Variants in ST6GALNAC6 observed in about 807,000 individuals in gnomAD.
The protein encoded by ST6GALNAC6 is ST6 N-acetylgalactosaminide alpha-2,6-sialyltransferase 6, also known as alpha-N-acetylgalactosaminide alpha-2,6-sialyltransferase 6.
In ST6GALNAC6, 19 loss-of-function variants were observed where a neutral mutation model predicts 34.3. That is an observed-to-expected ratio of 0.55 (90% confidence interval 0.39 to 0.81). ST6GALNAC6 has a LOEUF of 0.81. Among genes scored for constraint, ST6GALNAC6 ranks in the 40% least tolerant of loss-of-function variants. The pLI, the probability that ST6GALNAC6 is intolerant of heterozygous loss-of-function variation, is 0.00. For missense variants in ST6GALNAC6, 377 were observed against 467.7 expected (o/e 0.81, Z 1.79); for synonymous variants, 185 against 182.1 (o/e 1.02, Z -0.13).
rs376190406 is a variant in ST6GALNAC6, at chr9:127,894,727, C to T, written c.118-36G>A. On this transcript the variant is annotated intron_variant, in intron 3 of 6. Coordinates refer to ENST00000373146, the MANE Select transcript of ST6GALNAC6 (RefSeq NM_013443.5). ...GAGAGGTCAGTGAGGGCCCAGCTGCCGGGCAGGCTCAGCGCCCCCACCTCC... is the reference window on the plus strand; with the variant it reads ...GAGAGGTCAGTGAGGGCCCAGCTGCTGGGCAGGCTCAGCGCCCCCACCTCC... The T allele has an allele frequency of 7.5e-5, 113 of 1,511,456 alleles. No homozygotes were observed. The East Asian group carries it at 8.7e-4, about 12-fold the overall frequency. The allele number at this position is 1,511,456 out of a possible 1,614,324, so 93.6% of individuals were successfully genotyped here.
chr9:127,887,228 A>C (rs1829827718), intron 6 of ST6GALNAC6, among the ~76,000 whole-genome samples: 3 of 152,108 alleles, frequency 2.0e-5, no homozygotes, highest in Non-Finnish European at 4.4e-5. Context: ...TATTCAGTAA[A>C]GTATAGCTGT....
intron 2 of ST6GALNAC6, chr9:127,897,471 G>C (rs1458834708): frequency 1.6e-5 from 16 of 982,036 alleles, no homozygotes; most frequent in Non-Finnish European, 1.9e-5. Flanking sequence ...TTAGATCATG[G>C]CCCCGCCCCC....
Position 127,887,576 on chromosome 9 carries a change from C to T in ST6GALNAC6, c.720G>A (p.Ser240=), listed in dbSNP as rs368787289. The T allele has an allele frequency of 8.7e-6, 14 of 1,611,124 alleles. No individual in the cohort carries two copies. Among genetic ancestry groups the T allele is most frequent in the Admixed American group, 6.7e-5 (4 of 59,744 alleles). The part of the protein sequence containing the change: ...ETGKDREKSH[S]WLSTGWFTMV... The stretch of plus-strand genomic sequence containing the variant: ...TGGTAAACCAGCCTGTGCTCAACCA[C>T]GAATGAGACTTCTCCCTGGGGATGG... Residue 240 remains serine, a synonymous_variant, in exon 6 of 7, where the codon TCG becomes TCA. Transcript: ENST00000373146.
At chr9:127,900,584 A>AAAAAAAAAG (rs1564495080), upstream of ST6GALNAC6, among the ~76,000 whole-genome samples, 7 of 150,134 alleles carry the variant, frequency 4.7e-5, no homozygotes, top group African/African-American at 1.7e-4. Flanking sequence ...AAAAAAAAAA[A>AAAAAAAAAG]AAGAAGGATG....
At chr9:127,905,867 C>T, upstream of ST6GALNAC6, 1 of 897,258 alleles carries the variant, frequency 1.1e-6, no homozygotes, top group Non-Finnish European at 1.3e-6. Context: ...GGCCTTGACT[C>T]CAGGGCCCTC....
chr9:127,894,386 A>G lies in ST6GALNAC6; in HGVS notation c.297+126T>C. The G allele has an allele frequency of 3.3e-6, 4 of 1,218,800 alleles. No individual in the cohort carries two copies. In the East Asian group the frequency reaches 9.6e-5, roughly 29 times the overall value. 75.5% of individuals were successfully genotyped at this position (1,218,800 alleles called of 1,614,324 possible). On this transcript the variant is annotated intron_variant, in intron 4 of 6. Coordinates refer to ENST00000373146, the MANE Select transcript of ST6GALNAC6 (RefSeq NM_013443.5). Reference sequence around the variant, plus strand: ...ACTTATCCAAGGTCACACAGCAAGCAGCAAGATGAAATCACCGGAGGCAGG... The same window carrying G: ...ACTTATCCAAGGTCACACAGCAAGCGGCAAGATGAAATCACCGGAGGCAGG...
Position 127,886,731 on chromosome 9 carries a change from G to C in ST6GALNAC6, c.870C>G (p.Asp290Glu), listed in dbSNP as rs755770749. 1.2e-6 allele frequency: 2 copies of C among 1,613,670 alleles called. No homozygotes were observed. The highest frequency in any genetic ancestry group is 1.3e-5 in the African/African-American group (1 of 74,916). Reference protein sequence around the residue: ...PYHYYEPKGPDECVTYIQNEH... With the variant: ...PYHYYEPKGPEECVTYIQNEH... The stretch of plus-strand genomic sequence containing the variant: ...CATTCTGGATGTAGGTGACACATTC[G>C]TCCGGCCCCTTGGGCTCGTAGTAGT... The change falls in exon 7 of 7, where the codon GAC becomes GAG. Residue 290 changes from aspartate to glutamate, a missense_variant. Physicochemically the swap from Asp to Glu is conservative, Grantham distance 45. Transcript: ENST00000373146.
chr9:127,901,009 A>C (rs974299746), upstream of ST6GALNAC6, among the ~76,000 whole-genome samples: 4 of 151,134 alleles, frequency 2.6e-5, no homozygotes, highest in Admixed American at 1.3e-4. Flanking sequence ...AAAAAAAAAA[A>C]AAAAAAAAAA....
chr9:127,894,479 G>C lies in ST6GALNAC6; in HGVS notation c.297+33C>G, dbSNP rs913713705. ...GTGGAGGGAGTGGTGATGCTGGGCA[G>C]TAGGGAGGAGCTCCCCAAAGCAGCT... On this transcript the variant is annotated intron_variant, in intron 4 of 6. Transcript: ENST00000373146. 5.0e-6 allele frequency: 8 copies of C among 1,610,050 alleles called. No homozygotes were observed. In the Middle Eastern group the frequency reaches 5.2e-4, roughly 104 times the overall value.
intron 2 of ST6GALNAC6, chr9:127,897,468 A>G: frequency 1.0e-6 from 1 of 983,278 alleles, no homozygotes; most frequent in Non-Finnish European, 1.2e-6. Flanking sequence ...TGGTTAGATC[A>G]TGGCCCCGCC....
At position 127,894,466 on chromosome 9, in the gene ST6GALNAC6, G is replaced by A. The variant is rs761881343; in HGVS notation, c.297+46C>T. On this transcript the variant is annotated intron_variant, in intron 4 of 6. Coordinates refer to ENST00000373146, the MANE Select transcript of ST6GALNAC6 (RefSeq NM_013443.5). Reference sequence around the variant, plus strand: ...TAGGAAAGAACAGGTGGAGGGAGTGGTGATGCTGGGCAGTAGGGAGGAGCT... The same window carrying A: ...TAGGAAAGAACAGGTGGAGGGAGTGATGATGCTGGGCAGTAGGGAGGAGCT... The A allele has an allele frequency of 6.9e-6, 11 of 1,602,034 alleles. 1 individual carries two copies. The South Asian group carries it at 1.0e-4, about 14-fold the overall frequency.
chr9:127,893,652 T>C (rs998044469), intron 4 of ST6GALNAC6, among the ~76,000 whole-genome samples: 1 of 152,232 alleles, frequency 6.6e-6, no homozygotes, highest in African/African-American at 2.4e-5. Flanking sequence ...AGCCAGGCTC[T>C]GTCTCTCCTT....
upstream of ST6GALNAC6, chr9:127,904,612 G>C (rs1360530922): frequency 1.3e-5 from 2 of 152,226 alleles, no homozygotes; most frequent in African/African-American, 4.8e-5. Context: ...CTCCGCAGCG[G>C]GTCGTGGGCA....
chr9:127,906,334 T>C (rs1476372512), upstream of ST6GALNAC6, among the ~76,000 whole-genome samples: 1 of 152,126 alleles, frequency 6.6e-6, no homozygotes. Flanking sequence ...CCCTGATCCC[T>C]GGAGCTGGCA....
chr9:127,886,890 C>T lies in ST6GALNAC6; in HGVS notation c.813-102G>A, dbSNP rs760962243. The T allele has an allele frequency of 7.4e-6, 9 of 1,214,512 alleles. No homozygotes were observed. In the East Asian group the frequency reaches 1.8e-4, roughly 24 times the overall value. 75.2% of individuals were successfully genotyped at this position (1,214,512 alleles called of 1,614,324 possible). A position where few individuals can be genotyped will look rare whatever the true frequency, so the allele number is the denominator to read the frequency against. On this transcript the variant is annotated intron_variant, in intron 6 of 6. Transcript: ENST00000373146. ...CCATAGGACCTCAATAGGAGAAATC[C>T]CCATGCCTCCTGGGGCCTCGGTTTC...
chr9:127,888,811 A>C (rs1384615119), intron 5 of ST6GALNAC6, among the ~76,000 whole-genome samples: 1 of 137,550 alleles, frequency 7.3e-6, no homozygotes, highest in Non-Finnish European at 1.5e-5. Context: ...ATCTCAAAAC[A>C]AACAAACAAA....
At chr9:127,888,763 G>A (rs1459078436) in intron 5 of ST6GALNAC6, among the ~76,000 whole-genome samples, 1 of 152,016 alleles carries the variant, frequency 6.6e-6, no homozygotes, top group African/African-American at 2.4e-5. Context: ...CTGAGATTGT[G>A]CCACTGCACT....
chr9:127,901,523 G>A (rs951903080), upstream of ST6GALNAC6, among the ~76,000 whole-genome samples: 2 of 152,224 alleles, frequency 1.3e-5, no homozygotes, highest in Admixed American at 6.5e-5. Context: ...CAGGAGAATC[G>A]CTTGAACCTG....
intron 4 of ST6GALNAC6, among the ~76,000 whole-genome samples, chr9:127,893,810 C>G (rs960309273): frequency 1.3e-5 from 2 of 152,192 alleles, no homozygotes; most frequent in Non-Finnish European, 2.9e-5. Flanking sequence ...AGCCCGGGCT[C>G]TACACTCTGC....
Sources: gnomAD v4.1 joint callset for allele counts (sites outside exome capture counted in the v4.1 genomes callset) on GRCh38, gnomAD v4.1.1 for gene constraint, MANE v1.5 for transcripts, NCBI Gene and HGNC (gene_info 2026-07-23, HGNC 2026-07-21) for gene names.